CCDC169: variants seen among roughly 807,000 people sequenced by gnomAD.
CCDC169 encodes coiled-coil domain-containing protein 169.
Under a neutral mutation model 36.0 loss-of-function variants are expected in CCDC169, and 30 were observed. That is an observed-to-expected ratio of 0.83 (90% CI 0.62 to 1.13). The LOEUF is 1.13. CCDC169 is among the 50% of genes most tolerant of loss of function. The pLI is 0.00. For missense variants in CCDC169, 245 were observed against 245.9 expected, an observed-to-expected ratio of 1.00 and a Z score of 0.03; for synonymous variants, 85 against 81.5, an observed-to-expected ratio of 1.04 and a Z score of -0.23.
intron 4 of CCDC169, among the ~76,000 whole-genome samples, chr13:36,255,887 T>A (rs916826658): frequency 6.6e-6 from 1 of 152,150 alleles, no homozygotes; most frequent in Admixed American, 6.5e-5. Context: ...CCAATCCCCA[T>A]TCACTGCCAA....
chr13:36,295,973 G>T, intron 1 of CCDC169, 116 bp from the exon 2 acceptor site: 1 of 608,026 alleles, frequency 1.6e-6, no homozygotes, highest in Non-Finnish European at 2.8e-6. Context: ...ATTATTTACT[G>T]AAGGACTGGT....
chr13:36,271,435 T>G (rs982755399), intron 4 of CCDC169, among the ~76,000 whole-genome samples: 1 of 152,152 alleles, frequency 6.6e-6, no homozygotes, highest in Non-Finnish European at 1.5e-5. Context: ...GAAGTCATTA[T>G]ACAAAAAAGA....
intron 4 of CCDC169, among the ~76,000 whole-genome samples, chr13:36,270,626 C>T (rs1875921922): frequency 6.6e-6 from 1 of 152,174 alleles, no homozygotes; most frequent in Non-Finnish European, 1.5e-5. Context: ...CAAATACTTA[C>T]AGCCAGCTGA....
downstream of CCDC169, chr13:36,230,652 G>T: frequency 2.1e-6 from 1 of 473,916 alleles, no homozygotes; most frequent in Non-Finnish European, 2.8e-6. Flanking sequence ...GAGGTGAAGG[G>T]ACTTGCCCAA....
chr13:36,292,712 G>A (rs1879047802), intron 2 of CCDC169, among the ~76,000 whole-genome samples: 1 of 152,196 alleles, frequency 6.6e-6, no homozygotes, highest in Admixed American at 6.5e-5. Context: ...GATGCTAGCT[G>A]AAGGGGAAAA....
intron 7 of CCDC169, among the ~76,000 whole-genome samples, chr13:36,235,332 A>C (rs1240948190): frequency 1.3e-5 from 2 of 151,978 alleles, no homozygotes; most frequent in Non-Finnish European, 2.9e-5. Flanking sequence ...TATGAGGCAA[A>C]TATTACTCTT....
At position 36,253,789 on chromosome 13, in the gene CCDC169, TAAA is replaced by T. The variant is rs536585049; in HGVS notation, c.468+11_468+13del. 2.6e-6 allele frequency: 4 copies of T among 1,542,228 alleles called. No individual in the cohort carries two copies. The Admixed American group carries it at 8.2e-5, about 32-fold the overall frequency. On this transcript the variant is annotated intron_variant, in intron 6 of 7. Coordinates refer to ENST00000239859, the MANE Select transcript of CCDC169 (RefSeq NM_001144981.3). Reference sequence around the variant, plus strand: ...AGAAGAAACACTTAGAATTTGGAAATAAAAAAGAGTTACCTGAGACATTTCAGC... The same window carrying T: ...AGAAGAAACACTTAGAATTTGGAAATAAAGAGTTACCTGAGACATTTCAGC...
chr13:36,237,294 A>G (rs1214684351), intron 7 of CCDC169, among the ~76,000 whole-genome samples: 9 of 152,124 alleles, frequency 5.9e-5, no homozygotes, highest in Admixed American at 5.9e-4. Context: ...AAAGGACAAC[A>G]TGTGTTGATA....
intron 7 of CCDC169, among the ~76,000 whole-genome samples, chr13:36,243,530 G>C (rs1872115921): frequency 6.6e-6 from 1 of 151,712 alleles, no homozygotes; most frequent in African/African-American, 2.4e-5. Context: ...CATAAGGCCA[G>C]GCACGGTGGC....
downstream of CCDC169, among the ~76,000 whole-genome samples, chr13:36,230,345 C>G (rs1870280237): frequency 6.6e-6 from 1 of 152,180 alleles, no homozygotes; most frequent in South Asian, 2.1e-4. Context: ...AAGACAAAAA[C>G]AGTCTAACCA....
Position 36,297,677 on chromosome 13 carries a change from T to A in CCDC169, c.43A>T (p.Asn15Tyr). 2 of 1,551,384 alleles carry A rather than the reference T, an allele frequency of 1.3e-6. No homozygotes were observed. The highest frequency in any genetic ancestry group is 8.7e-7 in the Non-Finnish European group (1 of 1,147,000). ...TCCAGCAACTGCTGTTTCAGGCGGT[T>A]GGTGCTCACACCGTCGAAGTTGTAG... ...RNYNFDGVST[N>Y]RLKQQLLEEV... Residue 15 changes from asparagine to tyrosine, a missense_variant, in exon 1 of 8, where the codon AAC becomes TAC. Physicochemically the swap from Asn to Tyr is moderately radical, Grantham distance 143 (BLOSUM62 -2). Transcript: ENST00000239859.
chr13:36,272,097 AACTAAAAAAATAAAT>A (rs1415224682), intron 4 of CCDC169, among the ~76,000 whole-genome samples: 5 of 135,326 alleles, frequency 3.7e-5, no homozygotes, highest in East Asian at 2.7e-4. Flanking sequence ...AAAAAAAAAA[AACTAAAAAAATAAAT>A]AAATAAATAA....
At chr13:36,264,638 C>T (rs558324716) in intron 4 of CCDC169, among the ~76,000 whole-genome samples, 4 of 152,250 alleles carry the variant, frequency 2.6e-5, no homozygotes, top group South Asian at 2.1e-4. Flanking sequence ...TTCTAACTCT[C>T]GAGGCTTAAA....
intron 7 of CCDC169, among the ~76,000 whole-genome samples, chr13:36,232,693 C>T (rs1185172091): frequency 4.8e-5 from 3 of 63,026 alleles, no homozygotes; most frequent in Non-Finnish European, 8.7e-5. Flanking sequence ...CCGGCCTGGG[C>T]GACAGAGCGA....
chr13:36,253,845 C>A lies in CCDC169; in HGVS notation c.426G>T (p.Lys142Asn). 1 of 1,551,196 alleles carries A rather than the reference C, an allele frequency of 6.4e-7. No homozygotes were observed. Residue 142 changes from lysine (K) to asparagine (N), a missense_variant, in exon 6 of 8, where the codon AAG becomes AAT. Coordinates refer to ENST00000239859, the MANE Select transcript of CCDC169 (RefSeq NM_001144981.3). ...KLEQESKAYQ[K>N]INNERRTYLA... ...GGTATGTACGGCGTTCATTGTTGAT[C>A]TTCTGGTAAGCCTGTGTGAAGATAC...
At chr13:36,243,534 C>T (rs1041939907) in intron 7 of CCDC169, among the ~76,000 whole-genome samples, 12 of 151,782 alleles carry the variant, frequency 7.9e-5, no homozygotes, top group Non-Finnish European at 1.0e-4. Context: ...AGGCCAGGCA[C>T]GGTGGCTCAT....
At chr13:36,295,466 T>C (rs184470395) in intron 2 of CCDC169, among the ~76,000 whole-genome samples, 1 of 152,162 alleles carries the variant, frequency 6.6e-6, no homozygotes, top group Non-Finnish European at 1.5e-5. Flanking sequence ...GAGTGTAACT[T>C]GAGGTGAATA....
intron 2 of CCDC169, among the ~76,000 whole-genome samples, chr13:36,293,085 G>A (rs944912983): frequency 6.7e-6 from 1 of 148,788 alleles, no homozygotes; most frequent in African/African-American, 2.5e-5. Context: ...TGATTGAGTG[G>A]AGAGGTGGTA....
intron 4 of CCDC169, among the ~76,000 whole-genome samples, chr13:36,268,218 A>G (rs1875584494): frequency 6.6e-6 from 1 of 152,208 alleles, no homozygotes; most frequent in South Asian, 2.1e-4. Context: ...ACCATATGAT[A>G]GGCCACAAAA....
Sources: allele counts gnomAD v4.1 joint callset (sites outside exome capture counted in the v4.1 genomes callset), GRCh38; gene constraint gnomAD v4.1.1; transcripts MANE v1.5; gene names NCBI Gene and HGNC (gene_info 2026-07-23, HGNC 2026-07-21).